TCF4: variants seen among roughly 807,000 people sequenced by gnomAD.
TCF4 encodes the protein SL3-3 enhancer factor 2.
A neutral mutation model predicts 82.1 loss-of-function variants in TCF4; 3 were observed. That is an observed-to-expected ratio of 0.04 (90% CI 0.02 to 0.09). TCF4 has a LOEUF of 0.09. Ranked by LOEUF, TCF4 falls within the 10% of genes least tolerant of loss-of-function variation. TCF4 has a pLI of 1.00. For missense variants in TCF4, 518 were observed against 852.7 expected (o/e 0.61, Z 4.89); for synonymous variants, 276 against 309.6 (o/e 0.89, Z 1.14).
intron 5 of TCF4, among the ~76,000 whole-genome samples, chr18:55,412,327 C>T (rs1161610772): frequency 1.3e-5 from 2 of 151,450 alleles, no homozygotes. Flanking sequence ...TTTAAATGTG[C>T]TCATCTCCAA....
rs531573106 is a variant in TCF4, at chr18:55,635,615, G to A, written c.195+88C>T. 7.9e-5 allele frequency: 116 copies of A among 1,463,156 alleles called. 1 individual carries two copies. In the African/African-American group the frequency reaches 1.2e-3, roughly 15 times the overall value. The allele number at this position is 1,463,156 out of a possible 1,614,324, so 90.6% of individuals were successfully genotyped here. On this transcript the variant is annotated intron_variant, in intron 1 of 20. Transcript: ENST00000398339. ...AGAGGTTAGAGAGCTAGAAACTACCGTTATGTTTGGCCATGGTGGCCATGG... is the reference window on the plus strand; with the variant it reads ...AGAGGTTAGAGAGCTAGAAACTACCATTATGTTTGGCCATGGTGGCCATGG...
intron 8 of TCF4, chr18:55,322,358 G>T (rs2075790014): frequency 1.0e-6 from 1 of 992,804 alleles, no homozygotes; most frequent in African/African-American, 1.8e-5. Flanking sequence ...CTGCTGGCTA[G>T]CTCCCAGCAT....
intron 5 of TCF4, among the ~76,000 whole-genome samples, chr18:55,431,447 T>G (rs2095191386): frequency 6.6e-6 from 1 of 152,090 alleles, no homozygotes; most frequent in Admixed American, 6.6e-5. Flanking sequence ...GCCCAGCTAA[T>G]TTTTGTATTT....
intron 8 of TCF4, among the ~76,000 whole-genome samples, chr18:55,344,876 C>A (rs1313945089): frequency 1.3e-5 from 2 of 152,004 alleles, no homozygotes; most frequent in East Asian, 3.9e-4. Flanking sequence ...AGGAATAGCT[C>A]AAAAATACAC....
rs535512979 is a variant in TCF4, at chr18:55,455,365, G to T, written c.304+5654C>A. Among the ~76,000 whole-genome samples the T allele has an allele frequency of 4.3e-4, 65 of 151,794 alleles. 1 individual carries two copies. Among genetic ancestry groups the T allele is most frequent in the African/African-American group, 1.5e-3 (62 of 41,408 alleles). On this transcript the variant is annotated intron_variant, in intron 5 of 19. Transcript: ENST00000354452. ...ACGAGTCATACTTGTTAATATTTCA[G>T]GAGGGCATTTTAAATTTAACATTAA...
intron 8 of TCF4, among the ~76,000 whole-genome samples, chr18:55,310,438 C>T (rs986487415): frequency 5.3e-5 from 8 of 152,126 alleles, no homozygotes; most frequent in African/African-American, 1.9e-4. Context: ...CAACTAGCTC[C>T]AAAATGTGGC....
chr18:55,331,874 T>TA (rs1192100934), intron 8 of TCF4, among the ~76,000 whole-genome samples: 3 of 152,194 alleles, frequency 2.0e-5, no homozygotes, highest in Non-Finnish European at 4.4e-5. Context: ...TTCAAAAACA[T>TA]ATACAATTCA....
chr18:55,558,280 A>G (rs1005528006), intron 3 of TCF4, among the ~76,000 whole-genome samples: 1 of 152,172 alleles, frequency 6.6e-6, no homozygotes, highest in Admixed American at 6.6e-5. Context: ...CAAAATGTAG[A>G]GGTTCCATAT....
chr18:55,634,290 C>CAA (rs796819597), intron 1 of TCF4, among the ~76,000 whole-genome samples: 1 of 147,754 alleles, frequency 6.8e-6, no homozygotes, highest in Non-Finnish European at 1.5e-5. Context: ...AAAACAAAAA[C>CAA]AAAAAAAAAA....
At chr18:55,390,350 T>C (rs962839038) in intron 6 of TCF4, among the ~76,000 whole-genome samples, 15 of 136,154 alleles carry the variant, frequency 1.1e-4, no homozygotes, top group African/African-American at 4.3e-4. Context: ...TAAGGCCTCA[T>C]GGTTACTATA....
chr18:55,634,698 A>G (rs1225092100), intron 1 of TCF4, among the ~76,000 whole-genome samples: 1 of 152,188 alleles, frequency 6.6e-6, no homozygotes, highest in African/African-American at 2.4e-5. Flanking sequence ...ACAATGGTGT[A>G]TTTATGACCT....
At chr18:55,359,442 A>C (rs976136239) in intron 6 of TCF4, among the ~76,000 whole-genome samples, 9 of 152,062 alleles carry the variant, frequency 5.9e-5, no homozygotes, top group African/African-American at 2.2e-4. Context: ...AATCTGTGGG[A>C]TCCTCAAGCG....
chr18:55,259,331 C>T (rs528881874), intron 13 of TCF4, among the ~76,000 whole-genome samples: 5 of 152,206 alleles, frequency 3.3e-5, no homozygotes, highest in Non-Finnish European at 7.4e-5. Context: ...AAACGGACCC[C>T]TGAAAAGTGA....
At chr18:55,236,864 A>C (rs1042774763) in intron 15 of TCF4, among the ~76,000 whole-genome samples, 1 of 152,238 alleles carries the variant, frequency 6.6e-6, no homozygotes, top group Non-Finnish European at 1.5e-5. Flanking sequence ...GATGACTCTA[A>C]GTCAAAATCA....
intron 11 of TCF4, 66 bp from the exon 12 acceptor site, chr18:55,261,599 G>C: frequency 6.5e-7 from 1 of 1,545,090 alleles, no homozygotes; most frequent in Non-Finnish European, 8.9e-7. Context: ...TCTATTCCTG[G>C]TCCATTTACT....
At chr18:55,349,140 T>C (rs563255211) in intron 8 of TCF4, among the ~76,000 whole-genome samples, 27 of 152,304 alleles carry the variant, frequency 1.8e-4, no homozygotes, top group African/African-American at 6.3e-4. Context: ...CTATACACCA[T>C]TGGCAATCTT....
chr18:55,270,079 T>G, intron 10 of TCF4, 116 bp from the exon 11 acceptor site: 1 of 1,304,896 alleles, frequency 7.7e-7, no homozygotes, highest in Non-Finnish European at 1.1e-6. Flanking sequence ...TTTTAGAATT[T>G]CAAAATAGCC....
chr18:55,501,267 C>A (rs1412044265), intron 3 of TCF4, among the ~76,000 whole-genome samples: 1 of 152,008 alleles, frequency 6.6e-6, no homozygotes, highest in East Asian at 1.9e-4. Flanking sequence ...GTTTCCAGTG[C>A]CTTAATTTTA....
At chr18:55,426,099 T>TTATATATATATATATATATATA (rs35262105) in intron 5 of TCF4, among the ~76,000 whole-genome samples, 202 of 138,786 alleles carry the variant, frequency 1.5e-3, no homozygotes, top group African/African-American at 5.0e-3. Context: ...ACAAAAAATT[T>TTATATATATATATATATATATA]TATATATATA....
Sources: gnomAD v4.1 joint callset for allele counts (sites outside exome capture counted in the v4.1 genomes callset) on GRCh38, gnomAD v4.1.1 for gene constraint, MANE v1.5 for transcripts, NCBI Gene and HGNC (gene_info 2026-07-23, HGNC 2026-07-21) for gene names.